Variants in GABRA2 observed in about 807,000 individuals in gnomAD.
GABRA2 encodes gamma-aminobutyric acid receptor subunit alpha-2.
Under a neutral mutation model 48.7 loss-of-function variants are expected in GABRA2, and 16 were observed. The observed-to-expected ratio is 0.33, with a 90% confidence interval of 0.22 to 0.50. GABRA2 has a LOEUF of 0.50. Ranked by LOEUF, GABRA2 falls within the 20% of genes least tolerant of loss-of-function variation. The pLI, the probability that GABRA2 is intolerant of heterozygous loss-of-function variation, is 0.98. For missense variants in GABRA2, 275 were observed against 535.6 expected, an observed-to-expected ratio of 0.51 and a Z score of 4.80; for synonymous variants, 185 against 184.5, an observed-to-expected ratio of 1.00 and a Z score of -0.02.
At chr4:46,257,951 G>C (rs1242063359) in intron 9 of GABRA2, among the ~76,000 whole-genome samples, 1 of 151,656 alleles carries the variant, frequency 6.6e-6, no homozygotes, top group Non-Finnish European at 1.5e-5. Context: ...AACTAGGTAT[G>C]GGCAGTGGAA....
intron 7 of GABRA2, among the ~76,000 whole-genome samples, chr4:46,305,305 C>T (rs1037434612): frequency 6.7e-6 from 1 of 150,368 alleles, no homozygotes; most frequent in Non-Finnish European, 1.5e-5. Context: ...GGAGATATAT[C>T]TAATATTAAA....
chr4:46,295,345 G>T lies in GABRA2; in HGVS notation c.856+8115C>A, dbSNP rs574442810. ...ATGGTCAAGGACTTGGAAGAAGCAT[G>T]ATTGGAAAATTGGTGACAAAGAAAT... is the stretch of plus-strand genomic sequence containing the variant. On this transcript the variant is annotated intron_variant, in intron 8 of 9. Transcript: ENST00000381620. 2.0e-4 allele frequency among the ~76,000 whole-genome samples: 31 copies of T among 152,330 alleles called. No individual in the cohort carries two copies. In the South Asian group the frequency reaches 6.4e-3, roughly 32 times the overall value.
chr4:46,278,224 T>G (rs1720875213), intron 8 of GABRA2, among the ~76,000 whole-genome samples: 1 of 152,154 alleles, frequency 6.6e-6, no homozygotes, highest in Non-Finnish European at 1.5e-5. Flanking sequence ...TCAGAAAATA[T>G]CCAAACTTTC....
rs1713752667 is a variant in GABRA2 at position 46,246,589 on chromosome 4, T to G, written c.*3719A>C. Among the ~76,000 whole-genome samples, 1 of 151,012 alleles carries G rather than the reference T, an allele frequency of 6.6e-6. No homozygotes were observed. Among genetic ancestry groups the G allele is most frequent in the Admixed American group, 6.6e-5 (1 of 15,066 alleles). On this transcript the variant is annotated 3_prime_UTR_variant, in exon 10 of 10. Coordinates refer to ENST00000381620, the MANE Select transcript of GABRA2 (RefSeq NM_000807.4). ...AATGGCACTATAGGGTAGCAATGAG[T>G]CAGGTAGTAATCCCCTTAAAATTCT...
At chr4:46,265,468 TA>T (rs905592191) in intron 8 of GABRA2, among the ~76,000 whole-genome samples, 2 of 108,974 alleles carry the variant, frequency 1.8e-5, no homozygotes, top group African/African-American at 1.0e-4. Context: ...AATATATATA[TA>T]ATATATTGTG....
intron 8 of GABRA2, among the ~76,000 whole-genome samples, chr4:46,276,992 A>C (rs147525354): frequency 1.3e-5 from 2 of 152,250 alleles, no homozygotes; most frequent in African/African-American, 4.8e-5. Flanking sequence ...CCTGGTCAAA[A>C]TCTAAAAATT....
chr4:46,346,910 C>A (rs930243660), intron 3 of GABRA2, among the ~76,000 whole-genome samples: 9 of 151,746 alleles, frequency 5.9e-5, no homozygotes, highest in Non-Finnish European at 1.3e-4. Flanking sequence ...GCTGTCAGAG[C>A]TGATAAATTA....
At chr4:46,362,369 T>C (rs1186376590) in intron 3 of GABRA2, among the ~76,000 whole-genome samples, 1 of 152,186 alleles carries the variant, frequency 6.6e-6, no homozygotes, top group Non-Finnish European at 1.5e-5. Context: ...TCTTCCACTA[T>C]GATTACAAGG....
At chr4:46,374,993 T>C (rs1715474209) in intron 3 of GABRA2, among the ~76,000 whole-genome samples, 1 of 152,118 alleles carries the variant, frequency 6.6e-6, no homozygotes, top group South Asian at 2.1e-4. Context: ...TTTTCAATTT[T>C]TAACATGTTT....
At chr4:46,297,397 C>G (rs1404896452) in intron 8 of GABRA2, among the ~76,000 whole-genome samples, 1 of 146,940 alleles carries the variant, frequency 6.8e-6, no homozygotes, top group Non-Finnish European at 1.5e-5. Context: ...CTCAGACTGG[C>G]TCTCCTTGCT....
intron 8 of GABRA2, among the ~76,000 whole-genome samples, chr4:46,286,481 G>A (rs1166932899): frequency 6.6e-6 from 1 of 151,860 alleles, no homozygotes; most frequent in African/African-American, 2.4e-5. Context: ...AGAATTGCAG[G>A]GTCTTACGGT....
intron 3 of GABRA2, among the ~76,000 whole-genome samples, chr4:46,372,692 A>C (rs1715081434): frequency 1.3e-5 from 2 of 152,160 alleles, no homozygotes; most frequent in African/African-American, 4.8e-5. Context: ...TATATTTGAT[A>C]ATTTTATTCC....
intron 9 of GABRA2, among the ~76,000 whole-genome samples, chr4:46,256,008 T>G (rs920662842): frequency 6.6e-6 from 1 of 151,514 alleles, no homozygotes. Flanking sequence ...TATAATAGGC[T>G]TTGGAGAAAA....
Position 46,362,523 on chromosome 4 carries a change from AAC to A in GABRA2, c.187+23549_187+23550del, listed in dbSNP as rs541337934. 6.6e-5 allele frequency among the ~76,000 whole-genome samples: 10 copies of A among 152,372 alleles called. No homozygotes were observed. The East Asian group carries it at 1.9e-3, about 29-fold the overall frequency. ...ATATCTCAATCAAGTCAAAAAAAGAAACACAAAAACTAAAAATAAAATTAGAC... is the reference window on the plus strand; with the variant it reads ...ATATCTCAATCAAGTCAAAAAAAGAAACAAAAACTAAAAATAAAATTAGAC... On this transcript the variant is annotated intron_variant, in intron 3 of 9. Coordinates refer to ENST00000381620, the MANE Select transcript of GABRA2 (RefSeq NM_000807.4).
At chr4:46,274,591 G>A (rs931290465) in intron 8 of GABRA2, among the ~76,000 whole-genome samples, 15 of 152,016 alleles carry the variant, frequency 9.9e-5, no homozygotes, top group Non-Finnish European at 2.1e-4. Flanking sequence ...AACTGCAGAC[G>A]CTTCCTCCAT....
chr4:46,288,960 A>G (rs112552267), intron 8 of GABRA2, among the ~76,000 whole-genome samples: 6 of 152,334 alleles, frequency 3.9e-5, no homozygotes, highest in African/African-American at 1.4e-4. Context: ...AAAAAAACTT[A>G]ACATCATTGA....
intron 9 of GABRA2, 24 bp from the exon 10 acceptor site, chr4:46,250,628 C>G (rs1341245012): frequency 6.4e-7 from 1 of 1,555,508 alleles, no homozygotes; most frequent in African/African-American, 1.4e-5. Context: ...CAAAAATTAA[C>G]AGAGTGTGGG....
chr4:46,367,178 G>T (rs1365611053), intron 3 of GABRA2: 1 of 152,058 alleles, frequency 6.6e-6, no homozygotes, highest in East Asian at 1.9e-4. Flanking sequence ...TTCTGAGAAG[G>T]ATGACTCGTT....
At chr4:46,357,997 C>T (rs1348061448) in intron 3 of GABRA2, among the ~76,000 whole-genome samples, 1 of 152,018 alleles carries the variant, frequency 6.6e-6, no homozygotes, top group Non-Finnish European at 1.5e-5. Context: ...AGTCCTAGGA[C>T]ATAACGTTAG....
Sources: gnomAD v4.1 joint callset for allele counts (sites outside exome capture counted in the v4.1 genomes callset) on GRCh38, gnomAD v4.1.1 for gene constraint, MANE v1.5 for transcripts, NCBI Gene and HGNC (gene_info 2026-07-23, HGNC 2026-07-21) for gene names.